Variants in IGDCC4 observed in about 807,000 individuals in gnomAD.
IGDCC4 encodes the protein likely ortholog of mouse neighbor of Punc E11.
A neutral mutation model predicts 116.6 loss-of-function variants in IGDCC4; 72 were observed. That is an observed-to-expected ratio of 0.62 (90% CI 0.51 to 0.75). The LOEUF is 0.75. Among genes scored for constraint, IGDCC4 ranks in the 30% least tolerant of loss-of-function variants. The pLI, the probability that IGDCC4 is intolerant of heterozygous loss-of-function variation, is 0.00. For synonymous variants in IGDCC4, 709 were observed against 719.9 expected (o/e 0.98, Z 0.24); for missense variants, 1,501 against 1,662.4 (o/e 0.90, Z 1.69).
rs748008063 is a variant in IGDCC4 at position 65,410,259 on chromosome 15, C to T, written c.482G>A (p.Arg161His). The change falls in exon 3 of 20, where the codon CGC becomes CAC. Residue 161 changes from arginine to histidine, a missense_variant. Physicochemically the swap from Arg to His is conservative, Grantham distance 29. Transcript: ENST00000352385. ...SQTVEENGTA[R>H]FECHIEGLPA... The stretch of plus-strand genomic sequence containing the variant: ...CAGCCCTTCAATGTGGCACTCAAAG[C>T]GAGCTGTCCCGTTCTCCTCCACCGT... 8.7e-6 allele frequency: 14 copies of T among 1,614,002 alleles called. No individual in the cohort carries two copies. Among genetic ancestry groups the T allele is most frequent in the Middle Eastern group, 1.7e-4 (1 of 6,020 alleles).
At chr15:65,421,263 G>A (rs972393746) in intron 1 of IGDCC4, among the ~76,000 whole-genome samples, 2 of 152,176 alleles carry the variant, frequency 1.3e-5, no homozygotes, top group Admixed American at 1.3e-4. Flanking sequence ...CAGCCCTGAT[G>A]CCGTTTAGCT....
At position 65,422,874 on chromosome 15, in the gene IGDCC4, C is replaced by T. The variant is rs1374152938; in HGVS notation, c.-12G>A. ...TCCCCCCGCGCCATGGGGCTGGGCT[C>T]GGGCCGCCGCCGCCGCCGCCGCCTC... On this transcript the variant is annotated 5_prime_UTR_variant, in exon 1 of 20. Transcript: ENST00000352385. 3.5e-5 allele frequency: 39 copies of T among 1,117,954 alleles called. No homozygotes were observed. In the East Asian group the frequency reaches 6.0e-4, roughly 17 times the overall value. 69.3% of individuals were successfully genotyped at this position (1,117,954 alleles called of 1,614,324 possible).
intron 3 of IGDCC4, among the ~76,000 whole-genome samples, chr15:65,402,878 AC>A (rs1429365547): frequency 1.3e-5 from 2 of 152,108 alleles, no homozygotes; most frequent in Admixed American, 1.3e-4. Flanking sequence ...AAACAAACAA[AC>A]AAAAACTCTA....
rs997594578 is a variant in IGDCC4 at position 65,393,705 on chromosome 15, C to G, written c.1715-174G>C. Among the ~76,000 whole-genome samples, 1 of 152,228 alleles carries G rather than the reference C, an allele frequency of 6.6e-6. No individual in the cohort carries two copies. Among genetic ancestry groups the G allele is most frequent in the Non-Finnish European group, 1.5e-5 (1 of 68,042 alleles). On this transcript the variant is annotated intron_variant, in intron 9 of 19. Coordinates refer to ENST00000352385, the MANE Select transcript of IGDCC4 (RefSeq NM_020962.3). This position sits in a 1 kb window ranked among gnomAD's most constrained non-coding sequence, Gnocchi z 4.6. ...GCAGATTCTATGGCTCCAGGGTTGA[C>G]GCTTGAGCCTCCAACTCTGGCTGAT...
At chr15:65,396,216 G>GCCCCT in intron 6 of IGDCC4, 53 bp from the exon 7 acceptor site, 4 of 1,188,160 alleles carry the variant, frequency 3.4e-6, no homozygotes, top group Middle Eastern at 3.1e-4. Context: ...TAAGGTCTCT[G>GCCCCT]CCCCCCCCCC....
chr15:65,400,843 T>A lies in IGDCC4; in HGVS notation c.804A>T (p.Ser268=), dbSNP rs767638354. The A allele has an allele frequency of 6.5e-5, 105 of 1,613,336 alleles. 1 individual carries two copies. The highest frequency in any genetic ancestry group is 8.5e-5 in the Non-Finnish European group (100 of 1,179,658). Residue 268 remains serine (S), a synonymous_variant, in exon 5 of 20, where the codon TCA becomes TCT. Coordinates refer to ENST00000352385, the MANE Select transcript of IGDCC4 (RefSeq NM_020962.3). Reference sequence around the variant, plus strand: ...AGGACACAAAAGGGGTGGGGTCAGCTGAGGCCACACATTCCATCACCACAC... The same window carrying A: ...AGGACACAAAAGGGGTGGGGTCAGCAGAGGCCACACATTCCATCACCACAC... ...GQSVVMECVA[S]ADPTPFVSWV...
intron 3 of IGDCC4, among the ~76,000 whole-genome samples, chr15:65,409,825 C>T (rs939317563): frequency 6.6e-6 from 1 of 152,080 alleles, no homozygotes; most frequent in African/African-American, 2.4e-5. Context: ...CCTCAACAGA[C>T]AACCAACATT....
intron 1 of IGDCC4, among the ~76,000 whole-genome samples, chr15:65,418,435 AT>A (rs1442258204): frequency 2.0e-5 from 3 of 152,180 alleles, no homozygotes; most frequent in Non-Finnish European, 4.4e-5. Context: ...TAAGTCCCTT[AT>A]AGAACCATCC....
chr15:65,406,525 A>G (rs188473263), intron 3 of IGDCC4, among the ~76,000 whole-genome samples: 1 of 152,296 alleles, frequency 6.6e-6, no homozygotes, highest in East Asian at 1.9e-4. Flanking sequence ...AACGAAGCAC[A>G]TACACCCTGA....
rs1394402477 is a variant in IGDCC4 at position 65,382,093 on chromosome 15, T to C, written c.*1916A>G. 1 of 151,082 alleles carries C rather than the reference T, an allele frequency of 6.6e-6. No individual in the cohort carries two copies. Among genetic ancestry groups the C allele is most frequent in the Non-Finnish European group, 1.5e-5 (1 of 67,882 alleles). 9.4% of individuals were successfully genotyped at this position (151,082 alleles called of 1,614,324 possible). A position where few individuals can be genotyped will look rare whatever the true frequency, so the allele number is the denominator to read the frequency against. ...ATTCAGGGCAGTTTTTTTTTCTTCT[T>C]TAAAAAAAAAAAATCAAACCAGCAA... On this transcript the variant is annotated 3_prime_UTR_variant, in exon 20 of 20. Transcript: ENST00000352385.
chr15:65,388,746 C>T, intron 15 of IGDCC4, 62 bp downstream of exon 15: 2 of 1,605,438 alleles, frequency 1.2e-6, no homozygotes, highest in South Asian at 2.2e-5. Flanking sequence ...ACTGTTCTCA[C>T]TGCTGGAAGC....
intron 2 of IGDCC4, chr15:65,410,574 C>A: frequency 1.8e-6 from 1 of 541,574 alleles, no homozygotes; most frequent in South Asian, 2.2e-5. Flanking sequence ...AAGATGCACA[C>A]TTCTTCTGGC....
chr15:65,384,098 T>C lies in IGDCC4; in HGVS notation c.3664A>G (p.Thr1222Ala). ...TTGAGCTGGCAGCTATCTCCAGGGG[T>C]CTCCTCTAGCACCTCGCCTGGCTGG... ...DLQPGEVLEE[T>A]PGDSCQLKSP... Residue 1222 changes from threonine to alanine, a missense_variant, in exon 20 of 20, where the codon ACC becomes GCC. Thr to Ala is a moderately conservative substitution (Grantham distance 58). This residue lies in a region of IGDCC4 where 368 missense variants were observed against 355.6 expected (regional missense o/e 1.03). Coordinates refer to ENST00000352385, the MANE Select transcript of IGDCC4 (RefSeq NM_020962.3). The surrounding 1 kb of genome is among the most constrained non-coding windows in gnomAD (Gnocchi z 4.9). The C allele has an allele frequency of 6.2e-7, 1 of 1,613,560 alleles. No homozygotes were observed. The highest frequency in any genetic ancestry group is 8.5e-7 in the Non-Finnish European group (1 of 1,179,830).
At chr15:65,396,719 T>G in intron 6 of IGDCC4, 115 bp downstream of exon 6, 1 of 1,317,698 alleles carries the variant, frequency 7.6e-7, no homozygotes, top group Non-Finnish European at 1.0e-6. Flanking sequence ...CTCCCTGAGT[T>G]CGTCCTCCAG....
intron 12 of IGDCC4, among the ~76,000 whole-genome samples, chr15:65,391,243 A>AG (rs1407657470): frequency 6.6e-6 from 1 of 152,212 alleles, no homozygotes; most frequent in Non-Finnish European, 1.5e-5. Flanking sequence ...AGAAAAAAAA[A>AG]GAACCCAAGC....
chr15:65,384,387 G>A lies in IGDCC4; in HGVS notation c.3375C>T (p.Cys1125=). The change falls in exon 20 of 20, where the codon TGC becomes TGT. Residue 1125 remains cysteine, a synonymous_variant. Coordinates refer to ENST00000352385, the MANE Select transcript of IGDCC4 (RefSeq NM_020962.3). This position sits in a 1 kb window ranked among gnomAD's most constrained non-coding sequence, Gnocchi z 4.9. ...TGACTTCAGCCTCCACCTGGTTCCT[G>A]CAGGCTGGGGGTGACTTCTTCCTCC... is the stretch of plus-strand genomic sequence containing the variant. ...GNGRKKSPPA[C]RNQVEAEVIV... 1 of 1,532,930 alleles carries A rather than the reference G, an allele frequency of 6.5e-7. No homozygotes were observed. Among genetic ancestry groups the A allele is most frequent in the South Asian group, 1.3e-5 (1 of 78,170 alleles). The allele number at this position is 1,532,930 out of a possible 1,614,324, so 95.0% of individuals were successfully genotyped here.
At chr15:65,413,147 C>T (rs534817961) in intron 1 of IGDCC4, among the ~76,000 whole-genome samples, 14 of 152,148 alleles carry the variant, frequency 9.2e-5, no homozygotes, top group African/African-American at 3.4e-4. Flanking sequence ...CAGACATTCC[C>T]CCTTCCCCAA....
chr15:65,400,424 C>G (rs933680244), intron 5 of IGDCC4, among the ~76,000 whole-genome samples: 1 of 152,172 alleles, frequency 6.6e-6, no homozygotes, highest in African/African-American at 2.4e-5. Context: ...TCTGGTTCCA[C>G]CTAACTCACT....
At chr15:65,401,079 A>G in intron 4 of IGDCC4, 133 bp from the exon 5 acceptor site, 1 of 1,131,516 alleles carries the variant, frequency 8.8e-7, no homozygotes, top group Non-Finnish European at 1.3e-6. Flanking sequence ...CAGATGGGGG[A>G]CGTAGCCATA....
Sources: gnomAD v4.1 joint callset for allele counts (sites outside exome capture counted in the v4.1 genomes callset) on GRCh38, gnomAD v4.1.1 for gene constraint, gnomAD v4.1.1 regional missense constraint, Gnocchi (gnomAD v3.1) non-coding constraint, MANE v1.5 for transcripts, NCBI Gene and HGNC (gene_info 2026-07-23, HGNC 2026-07-21) for gene names.